Variants in RYR1 observed in about 807,000 individuals in gnomAD.
RYR1 encodes the protein ryanodine receptor 1, also known as central core disease of muscle.
A neutral mutation model predicts 583.5 loss-of-function variants in RYR1; 342 were observed. The observed-to-expected ratio is 0.59, with a 90% CI of 0.54 to 0.64. The LOEUF is 0.64. Ranked by LOEUF, RYR1 falls within the 30% of genes least tolerant of loss-of-function variation. The pLI is 0.00. For missense variants in RYR1, 6,032 were observed against 6,917.2 expected (o/e 0.87, Z 4.54); for synonymous variants, 2,791 against 2,822.5 (o/e 0.99, Z 0.35).
At position 38,504,770 on chromosome 19, in the gene RYR1, G is replaced by T. The variant is rs1254090942; in HGVS notation, c.8090G>T (p.Arg2697Leu). Residue 2697 changes from arginine to leucine, a missense_variant, in exon 51 of 106, where the codon CGC (arginine) becomes CTC (leucine). Arg to Leu is a moderately radical substitution (Grantham distance 102). Coordinates refer to ENST00000359596, the MANE Select transcript of RYR1 (RefSeq NM_000540.3). ...AHKKYDPELYRMAMPCLCAIA... is the reference protein window; with the variant it reads ...AHKKYDPELYLMAMPCLCAIA... ...CAGAAATACGACCCGGAGCTGTACC[G>T]CATGGCCATGCCTTGTCTGTGCGCC... The T allele has an allele frequency of 6.2e-7, 1 of 1,614,108 alleles. No individual in the cohort carries two copies. The highest frequency in any genetic ancestry group is 8.5e-7 in the Non-Finnish European group (1 of 1,180,014).
Position 38,444,092 on chromosome 19 carries a change from A to G in RYR1, c.425-57A>G. 6.9e-7 allele frequency: 1 copy of G among 1,444,472 alleles called. No homozygotes were observed. Among genetic ancestry groups the G allele is most frequent in the Non-Finnish European group, 9.7e-7 (1 of 1,025,884 alleles). The allele number at this position is 1,444,472 out of a possible 1,614,324, so 89.5% of individuals were successfully genotyped here. A position where few individuals can be genotyped will look rare whatever the true frequency, so the allele number is the denominator to read the frequency against. ...CCTGGTGGAGGGAGAGCCCTGGGGA[A>G]GAGCATTCTGGGAAGCCATCATCTG... On this transcript the variant is annotated intron_variant, in intron 5 of 105. Transcript: ENST00000359596. This position sits in a 1 kb window ranked among gnomAD's most constrained non-coding sequence, Gnocchi z 5.1.
Position 38,472,620 on chromosome 19 carries a change from G to A in RYR1, c.3766-757G>A, listed in dbSNP as rs529631732. Among the ~76,000 whole-genome samples, 7 of 151,870 alleles carry A rather than the reference G, an allele frequency of 4.6e-5. No individual in the cohort carries two copies. The South Asian group carries it at 1.5e-3, about 32-fold the overall frequency. Reference sequence around the variant, plus strand: ...TGGCTGGGGGTGGTGGCTCACGCCTGTAATCCTAGCACTTTGGGAGACTGA... The same window carrying A: ...TGGCTGGGGGTGGTGGCTCACGCCTATAATCCTAGCACTTTGGGAGACTGA... On this transcript the variant is annotated intron_variant, in intron 27 of 105. Transcript: ENST00000359596.
Position 38,452,913 on chromosome 19 carries a change from C to G in RYR1, c.1339C>G (p.Leu447Val). ...GGGCGTTATCCTGAGCCTGCAGGAC[C>G]TCATCATCTACTTCGAGCCTCCCTC... Reference protein sequence around the residue: ...IEGVILSLQDLIIYFEPPSED... With the variant: ...IEGVILSLQDVIIYFEPPSED... The change falls in exon 13 of 106, where the codon CTC (leucine) becomes GTC (valine). Residue 447 changes from leucine (L) to valine (V), a missense_variant. By Grantham distance (32) the Leu-to-Val change is conservative (BLOSUM62 1). Around this residue, in one of 11 missense-constraint regions of RYR1, gnomAD observed 2,627 missense variants for 2,961.3 expected, o/e 0.89. Coordinates refer to ENST00000359596, the MANE Select transcript of RYR1 (RefSeq NM_000540.3). 1 of 1,613,814 alleles carries G rather than the reference C, an allele frequency of 6.2e-7. No homozygotes were observed. Among genetic ancestry groups the G allele is most frequent in the Non-Finnish European group, 8.5e-7 (1 of 1,179,800 alleles).
In RYR1 at chr19:38,490,211, T is replaced by C; in HGVS notation, c.5950T>C (p.Phe1984Leu). 2 of 1,614,198 alleles carry C rather than the reference T, an allele frequency of 1.2e-6. No homozygotes were observed. Among genetic ancestry groups the C allele is most frequent in the Non-Finnish European group, 1.7e-6 (2 of 1,180,050 alleles). ...CCGCTATGGCCTCCTCATAAAAGCC[T>C]TCAGCATGACCGCAGCAGAGACTGC... ...RSRYGLLIKA[F>L]SMTAAETARR... Residue 1984 changes from phenylalanine (F) to leucine (L), a missense_variant, in exon 36 of 106, where the codon TTC (phenylalanine) becomes CTC (leucine). Phe to Leu is a conservative substitution (Grantham distance 22). This residue lies in a region of RYR1 where 2,627 missense variants were observed against 2,961.3 expected (regional missense o/e 0.89). Coordinates refer to ENST00000359596, the MANE Select transcript of RYR1 (RefSeq NM_000540.3).
chr19:38,574,186 C>T (rs781458421), intron 96 of RYR1, among the ~76,000 whole-genome samples: 83 of 143,242 alleles, frequency 5.8e-4, no homozygotes, highest in Middle Eastern at 3.8e-3. Context: ...CTTAAACCTG[C>T]GAGGTGGAGG....
rs1351256893 is a variant in RYR1, at chr19:38,463,939, TGAGA to T, written c.2786+96_2786+99del. 3.5e-5 allele frequency: 35 copies of T among 988,968 alleles called. 1 individual carries two copies. The highest frequency in any genetic ancestry group is 5.0e-4 in the Middle Eastern group (2 of 4,032). 61.3% of individuals were successfully genotyped at this position (988,968 alleles called of 1,614,324 possible). A position where few individuals can be genotyped will look rare whatever the true frequency, so the allele number is the denominator to read the frequency against. ...GAGAGACAGGGCAGGAGGTAGAGAC[TGAGA>T]GAGAGAAGGATGGAGGGGACAGGGA... is the stretch of plus-strand genomic sequence containing the variant. On this transcript the variant is annotated intron_variant, in intron 22 of 105. Coordinates refer to ENST00000359596, the MANE Select transcript of RYR1 (RefSeq NM_000540.3).
rs768885593 is a variant in RYR1 at position 38,566,952 on chromosome 19, C to G, written c.13479C>G (p.Pro4493=). The change falls in exon 92 of 106, where the codon CCC becomes CCG. Residue 4493 remains proline, a synonymous_variant. Transcript: ENST00000359596. ...AGGAGCTCCCGCCAGAGCCAGAGCC[C>G]GAGCCGGAACCAGAGCTGGAGCCGG... ...VEEELPPEPE[P]EPEPELEPEK... is the part of the protein sequence containing the mutation. The G allele has an allele frequency of 3.7e-6, 6 of 1,605,510 alleles. No individual in the cohort carries two copies. Among genetic ancestry groups the G allele is most frequent in the African/African-American group, 1.3e-5 (1 of 74,796 alleles).
chr19:38,464,050 G>C (rs988837815), intron 22 of RYR1, among the ~76,000 whole-genome samples, 200 bp downstream of exon 22: 5 of 152,002 alleles, frequency 3.3e-5, no homozygotes, highest in East Asian at 1.9e-4. Flanking sequence ...GCCGAGACGG[G>C]TGGATCACTT....
chr19:38,466,575 C>T (rs995701232), intron 24 of RYR1, among the ~76,000 whole-genome samples, 177 bp downstream of exon 24: 1 of 150,150 alleles, frequency 6.7e-6, no homozygotes, highest in Admixed American at 6.7e-5. Context: ...GATCTCTGCT[C>T]ACTGCAAGCT....
chr19:38,474,114 A>G (rs1968587724), intron 28 of RYR1, among the ~76,000 whole-genome samples: 1 of 152,328 alleles, frequency 6.6e-6, no homozygotes. Context: ...AGTTTACTGC[A>G]CAGTAAGGTA....
Position 38,573,313 on chromosome 19 carries a change from G to T in RYR1, c.14129+6G>T, listed in dbSNP as rs1165790896. On this transcript the variant is annotated splice_donor_region_variant and intron_variant, in intron 96 of 105. Coordinates refer to ENST00000359596, the MANE Select transcript of RYR1 (RefSeq NM_000540.3). ...CGACTGGTGCTCAACACGCCGTAAG[G>T]ACCCAGCCCCCACCTCAGGGTGGCA... 6.2e-7 allele frequency: 1 copy of T among 1,612,802 alleles called. No homozygotes were observed. The highest frequency in any genetic ancestry group is 1.3e-5 in the African/African-American group (1 of 75,002).
At chr19:38,555,901 T>C (rs1260817560) in intron 89 of RYR1, among the ~76,000 whole-genome samples, 2 of 152,164 alleles carry the variant, frequency 1.3e-5, no homozygotes, top group Non-Finnish European at 2.9e-5. Context: ...TCTCACTCTG[T>C]TGTCCAGGCT....
At chr19:38,438,685 C>T (rs1233666675) in intron 1 of RYR1, among the ~76,000 whole-genome samples, 3 of 123,068 alleles carry the variant, frequency 2.4e-5, no homozygotes, top group Non-Finnish European at 3.1e-5. Context: ...GTGGTGCGAT[C>T]TCGGCTCACT....
In RYR1 at chr19:38,572,139, G is replaced by A. The variant is rs547709829; in HGVS notation, c.13867G>A (p.Asp4623Asn). Residue 4623 changes from aspartate to asparagine, a missense_variant, in exon 95 of 106, where the codon GAT becomes AAT. Asp to Asn is a conservative substitution (Grantham distance 23, BLOSUM62 1). Transcript: ENST00000359596. ...GLGAGEEAEG[D>N]EDENMVYYFL... ...GGGGGCCGGAGAGGAGGCAGAGGGC[G>A]ATGAGGATGAGAACATGGTGTACTA... The A allele has an allele frequency of 1.2e-5, 19 of 1,613,936 alleles. No homozygotes were observed. Among genetic ancestry groups the A allele is most frequent in the South Asian group, 5.5e-5 (5 of 91,076 alleles).
chr19:38,485,937 G>A lies in RYR1; in HGVS notation c.5282G>A (p.Gly1761Asp). Reference sequence around the variant, plus strand: ...ACAGAAAATGGTCACCCCCGGCATGGCCTGCCGGGAGTTGGAGTCACCACT... The same window carrying A: ...ACAGAAAATGGTCACCCCCGGCATGACCTGCCGGGAGTTGGAGTCACCACT... ...RSTENGHPRH[G>D]LPGVGVTTSL... Residue 1761 changes from glycine to aspartate, a missense_variant, in exon 34 of 106, where the codon GGC becomes GAC. Gly to Asp is a moderately conservative substitution (Grantham distance 94, BLOSUM62 -1). Coordinates refer to ENST00000359596, the MANE Select transcript of RYR1 (RefSeq NM_000540.3). 6.2e-7 allele frequency: 1 copy of A among 1,613,624 alleles called. No individual in the cohort carries two copies. Among genetic ancestry groups the A allele is most frequent in the Non-Finnish European group, 8.5e-7 (1 of 1,179,914 alleles).
intron 25 of RYR1, among the ~76,000 whole-genome samples, chr19:38,468,244 A>G (rs889318207): frequency 1.3e-5 from 2 of 151,596 alleles, no homozygotes; most frequent in African/African-American, 4.8e-5. Flanking sequence ...TCCATCATCT[A>G]TCCATCTGAC....
rs1390727864 is a variant in RYR1, at chr19:38,572,027, C to T, written c.13755C>T (p.Asp4585=). 2 of 1,614,056 alleles carry T rather than the reference C, an allele frequency of 1.2e-6. No individual in the cohort carries two copies. The highest frequency in any genetic ancestry group is 1.1e-5 in the South Asian group (1 of 91,080). Reference sequence around the variant, plus strand: ...CTCTGTCCCCATTTCAGGTCTCAGACTCTCCACCAGGGGAGGACGACATGG... The same window carrying T: ...CTCTGTCCCCATTTCAGGTCTCAGATTCTCCACCAGGGGAGGACGACATGG... ...NFILLFYKVS[D]SPPGEDDMEG... Residue 4585 remains aspartate (D), a synonymous_variant, in exon 95 of 106, where the codon GAC becomes GAT. Coordinates refer to ENST00000359596, the MANE Select transcript of RYR1 (RefSeq NM_000540.3).
rs1419561732 is a variant in RYR1, at chr19:38,494,578, C to T, written c.6501C>T (p.Ile2167=). 5 of 1,614,034 alleles carry T rather than the reference C, an allele frequency of 3.1e-6. No homozygotes were observed. The highest frequency in any genetic ancestry group is 1.6e-4 in the Middle Eastern group (1 of 6,076). Residue 2167 remains isoleucine, a synonymous_variant, in exon 39 of 106, where the codon ATC becomes ATT. Coordinates refer to ENST00000359596, the MANE Select transcript of RYR1 (RefSeq NM_000540.3). ...ECLGQIRSLL[I]VQMGPQEENL... is the part of the protein sequence containing the mutation. ...TCGGCCAGATCCGCTCGCTGCTCAT[C>T]GTGCAGATGGGCCCCCAGGAGGAGA...
chr19:38,444,020 G>T lies in RYR1; in HGVS notation c.425-129G>T, dbSNP rs568317153. The stretch of plus-strand genomic sequence containing the variant: ...CAGGAACGGGGAACTGTTAGGCAGA[G>T]AGTTGGTGGCAGTGATAGGAGAGTT... On this transcript the variant is annotated intron_variant, in intron 5 of 105. Coordinates refer to ENST00000359596, the MANE Select transcript of RYR1 (RefSeq NM_000540.3). The surrounding 1 kb of genome is among the most constrained non-coding windows in gnomAD (Gnocchi z 5.1). The T allele has an allele frequency of 1.0e-5, 9 of 865,808 alleles. No homozygotes were observed. The East Asian group carries it at 1.8e-4, about 17-fold the overall frequency. 53.6% of individuals were successfully genotyped at this position (865,808 alleles called of 1,614,324 possible).
Sources: allele counts gnomAD v4.1 joint callset (sites outside exome capture counted in the v4.1 genomes callset), GRCh38; gene constraint gnomAD v4.1.1; regional missense constraint gnomAD v4.1.1; non-coding constraint Gnocchi (gnomAD v3.1); transcripts MANE v1.5; gene names NCBI Gene and HGNC (gene_info 2026-07-23, HGNC 2026-07-21).